Variants in OPCML observed in about 807,000 individuals in gnomAD.
The protein encoded by OPCML is opioid binding protein/cell adhesion molecule like, also known as opioid-binding protein/cell adhesion molecule.
A neutral mutation model predicts 37.8 loss-of-function variants in OPCML; 13 were observed. The ratio of observed to expected loss-of-function variants is 0.34; its 90% CI spans 0.22 to 0.55. The LOEUF is 0.55. Ranked by LOEUF, OPCML falls within the 20% of genes least tolerant of loss-of-function variation. OPCML has a pLI of 0.91. For synonymous variants in OPCML, 176 were observed against 168.8 expected, an observed-to-expected ratio of 1.04 and a Z score of -0.33; for missense variants, 341 against 435.6, an observed-to-expected ratio of 0.78 and a Z score of 1.93.
chr11:132,885,712 G>A (rs1394630333), intron 2 of OPCML, among the ~76,000 whole-genome samples: 1 of 152,100 alleles, frequency 6.6e-6, no homozygotes. Flanking sequence ...CTCTTTGGAG[G>A]TAGCATATAA....
chr11:133,277,253 T>C (rs2136497645), intron 1 of OPCML, among the ~76,000 whole-genome samples: 1 of 152,326 alleles, frequency 6.6e-6, no homozygotes, highest in East Asian at 1.9e-4. Context: ...ATGCAGTCAA[T>C]TTGCCTCCCT....
At chr11:132,774,904 C>T (rs1192339977) in intron 2 of OPCML, among the ~76,000 whole-genome samples, 1 of 152,164 alleles carries the variant, frequency 6.6e-6, no homozygotes, top group Non-Finnish European at 1.5e-5. Flanking sequence ...TACCATTTAT[C>T]CCAATTCACT....
At chr11:133,498,857 C>T (rs1947844083) in intron 1 of OPCML, among the ~76,000 whole-genome samples, 2 of 152,122 alleles carry the variant, frequency 1.3e-5, no homozygotes, top group South Asian at 4.1e-4. Context: ...ATAACAGCTA[C>T]CATGGATGGA....
intron 3 of OPCML, among the ~76,000 whole-genome samples, chr11:132,562,899 G>A (rs1328405331): frequency 6.6e-6 from 1 of 152,160 alleles, no homozygotes; most frequent in African/African-American, 2.4e-5. Flanking sequence ...TGTATACACT[G>A]GAAATGCCTC....
In OPCML at chr11:133,173,191, A is replaced by C. The variant is rs2064709466; in HGVS notation, c.62-230181T>G. On this transcript the variant is annotated intron_variant, in intron 1 of 7. Transcript: ENST00000524381. This position sits in a 1 kb window ranked among gnomAD's most constrained non-coding sequence, Gnocchi z 7.8. Reference sequence around the variant, plus strand: ...AGGGAATATTTCATATGAATTCCTAAGAAAATGTCTTCCATGTTTGCTTCA... The same window carrying C: ...AGGGAATATTTCATATGAATTCCTACGAAAATGTCTTCCATGTTTGCTTCA... Among the ~76,000 whole-genome samples, 1 of 152,250 alleles carries C rather than the reference A, an allele frequency of 6.6e-6. No individual in the cohort carries two copies. The highest frequency in any genetic ancestry group is 1.5e-5 in the Non-Finnish European group (1 of 68,048).
intron 1 of OPCML, among the ~76,000 whole-genome samples, chr11:133,366,350 G>A (rs141340277): frequency 4.4e-4 from 67 of 152,298 alleles, no homozygotes; most frequent in African/African-American, 1.4e-3. Flanking sequence ...CTTCAGCTGC[G>A]AGTGTCAGCA....
intron 2 of OPCML, among the ~76,000 whole-genome samples, chr11:132,769,217 T>G (rs1946557737): frequency 6.6e-6 from 1 of 151,510 alleles, no homozygotes; most frequent in African/African-American, 2.4e-5. Flanking sequence ...TTTTTTTGTA[T>G]TTTTTTGTTT....
At chr11:133,310,386 A>G (rs1039599194) in intron 1 of OPCML, among the ~76,000 whole-genome samples, 1 of 152,112 alleles carries the variant, frequency 6.6e-6, no homozygotes, top group African/African-American at 2.4e-5. Context: ...TCAGCTCATG[A>G]TGCTTGAATC....
intron 1 of OPCML, chr11:133,359,890 G>A (rs893109783): frequency 6.6e-6 from 1 of 152,126 alleles, no homozygotes; most frequent in Non-Finnish European, 1.5e-5. Flanking sequence ...CCATTAAAAG[G>A]CTTTTATTTG....
intron 1 of OPCML, among the ~76,000 whole-genome samples, chr11:132,959,000 G>A (rs1946027581): frequency 1.3e-5 from 2 of 152,326 alleles, no homozygotes; most frequent in South Asian, 4.1e-4. Context: ...AGATACATTT[G>A]TAAGGCTATG....
At chr11:133,347,754 C>T (rs540754148) in intron 1 of OPCML, among the ~76,000 whole-genome samples, 6 of 152,166 alleles carry the variant, frequency 3.9e-5, no homozygotes, top group Non-Finnish European at 7.3e-5. Context: ...TTCTCCTTCA[C>T]CTGATGGAGC....
At chr11:132,504,608 A>C (rs955164536) in intron 4 of OPCML, among the ~76,000 whole-genome samples, 2 of 151,636 alleles carry the variant, frequency 1.3e-5, no homozygotes, top group African/African-American at 4.8e-5. Flanking sequence ...TCCAGGCTCC[A>C]GGCTGGCAGG....
At chr11:132,444,166 A>T (rs1369490829) in intron 4 of OPCML, among the ~76,000 whole-genome samples, 1 of 152,158 alleles carries the variant, frequency 6.6e-6, no homozygotes, top group East Asian at 1.9e-4. Flanking sequence ...TCACTTCTAG[A>T]TGGCAGCCTT....
intron 2 of OPCML, among the ~76,000 whole-genome samples, chr11:132,904,067 G>T (rs1297011202): frequency 6.6e-6 from 1 of 152,144 alleles, no homozygotes; most frequent in African/African-American, 2.4e-5. Context: ...TGAAAGTTTT[G>T]CCATGGGCTG....
chr11:133,241,644 A>C (rs1940734140), intron 1 of OPCML, among the ~76,000 whole-genome samples: 1 of 152,270 alleles, frequency 6.6e-6, no homozygotes, highest in African/African-American at 2.4e-5. Context: ...TATAGTTAAA[A>C]GAGATCATAG....
chr11:132,612,437 A>G (rs1465734462), intron 3 of OPCML, among the ~76,000 whole-genome samples: 1 of 152,164 alleles, frequency 6.6e-6, no homozygotes, highest in African/African-American at 2.4e-5. Flanking sequence ...ATTTTTCTCA[A>G]GCTTTACATG....
intron 4 of OPCML, among the ~76,000 whole-genome samples, chr11:132,496,850 T>C (rs2096232726): frequency 6.6e-6 from 1 of 152,074 alleles, no homozygotes; most frequent in African/African-American, 2.4e-5. Flanking sequence ...AAAGAGAAGA[T>C]CAGGATAGGT....
chr11:132,946,344 A>G (rs1017270741), intron 1 of OPCML, among the ~76,000 whole-genome samples: 3 of 152,236 alleles, frequency 2.0e-5, no homozygotes, highest in African/African-American at 7.2e-5. Context: ...CTGTAAAGAT[A>G]AAAAGTATAG....
rs554813873 is a variant in OPCML, at chr11:132,690,688, G to A, written c.147-33369C>T. Among the ~76,000 whole-genome samples the A allele has an allele frequency of 4.6e-4, 70 of 152,256 alleles. 1 individual carries two copies. Among genetic ancestry groups the A allele is most frequent in the Middle Eastern group, 6.8e-3 (2 of 294 alleles). On this transcript the variant is annotated intron_variant, in intron 2 of 7. Coordinates refer to ENST00000524381, the MANE Select transcript of OPCML (RefSeq NM_001012393.5). ...AGTGTGTACGTGTGTGTGCTCATGC[G>A]TGTGTGCCTGCACAGGCATAGCAGT... is the stretch of plus-strand genomic sequence containing the variant.
Sources: gnomAD v4.1 joint callset for allele counts (sites outside exome capture counted in the v4.1 genomes callset) on GRCh38, gnomAD v4.1.1 for gene constraint, Gnocchi (gnomAD v3.1) non-coding constraint, MANE v1.5 for transcripts, NCBI Gene and HGNC (gene_info 2026-07-23, HGNC 2026-07-21) for gene names.